The following TET1 variants were observed in gnomAD, a reference collection of about 807,000 sequenced individuals.
TET1 encodes tet methylcytosine dioxygenase 1, also known as methylcytosine dioxygenase TET1.
In TET1, 13 loss-of-function variants were observed where a neutral mutation model predicts 148.7. That is an observed-to-expected ratio of 0.09 (90% CI 0.06 to 0.14). The LOEUF (loss-of-function observed/expected upper bound fraction) is 0.14. Ranked by LOEUF, TET1 falls within the 10% of genes least tolerant of loss-of-function variation. The probability of loss-of-function intolerance (pLI) is 1.00; values close to 1 mark genes in which losing one functional copy is unlikely to be tolerated. For missense variants in TET1, 2,182 were observed against 2,553.8 expected, an observed-to-expected ratio of 0.85 and a Z score of 3.14; for synonymous variants, 907 against 937.2, an observed-to-expected ratio of 0.97 and a Z score of 0.59.
At position 68,620,450 on chromosome 10, in the gene TET1, A is replaced by G. The variant is rs184876058; in HGVS notation, c.1968+19416A>G. Among the ~76,000 whole-genome samples the G allele has an allele frequency of 1.9e-3, 296 of 152,310 alleles. 2 individuals are homozygous for G. Among genetic ancestry groups the G allele is most frequent in the African/African-American group, 6.9e-3 (286 of 41,578 alleles). ...ACTTAGTGACTGACTTTCACTTTGC[A>G]TAATCTTTTCCAAGTTTATCTGTTG... On this transcript the variant is annotated intron_variant, in intron 3 of 11. Coordinates refer to ENST00000373644, the MANE Select transcript of TET1 (RefSeq NM_030625.3).
chr10:68,597,712 A>G (rs969834341), intron 2 of TET1, among the ~76,000 whole-genome samples: 1 of 152,274 alleles, frequency 6.6e-6, no homozygotes, highest in Non-Finnish European at 1.5e-5. Flanking sequence ...ACAACAGAAT[A>G]AGGGAAAAAC....
chr10:68,640,815 T>G (rs1051823700), intron 3 of TET1, among the ~76,000 whole-genome samples: 7 of 151,798 alleles, frequency 4.6e-5, no homozygotes, highest in Non-Finnish European at 1.0e-4. Flanking sequence ...CCTCCCAAAG[T>G]GCTGGGATTA....
intron 6 of TET1, among the ~76,000 whole-genome samples, chr10:68,655,873 A>G (rs912165909): frequency 1.3e-5 from 2 of 152,278 alleles, no homozygotes; most frequent in African/African-American, 4.8e-5. Flanking sequence ...GGTGAGTGGC[A>G]GGAGAGCAAG....
chr10:68,674,546 T>A, intron 8 of TET1: 1 of 541,588 alleles, frequency 1.8e-6, no homozygotes, highest in Non-Finnish European at 3.5e-6. Context: ...TGCAGAATGA[T>A]AAAGTTGCAT....
chr10:68,612,854 C>A, intron 3 of TET1, among the ~76,000 whole-genome samples: 1 of 152,134 alleles, frequency 6.6e-6, no homozygotes, highest in East Asian at 1.9e-4. Flanking sequence ...TTGAGCTCAA[C>A]TGATCTGCCC....
intron 8 of TET1, among the ~76,000 whole-genome samples, chr10:68,679,685 T>G (rs2055410161): frequency 6.6e-6 from 1 of 152,074 alleles, no homozygotes; most frequent in Non-Finnish European, 1.5e-5. Context: ...TTTTGTTTTG[T>G]TTTTTTGAGA....
intron 2 of TET1, among the ~76,000 whole-genome samples, chr10:68,575,793 G>A (rs1439942520): frequency 1.3e-5 from 2 of 151,884 alleles, no homozygotes; most frequent in South Asian, 2.1e-4. Context: ...AGGCCGAGGT[G>A]GGCCGATCAC....
intron 3 of TET1, among the ~76,000 whole-genome samples, chr10:68,627,061 A>G (rs761639739): frequency 8.2e-4 from 125 of 151,926 alleles, no homozygotes; most frequent in Non-Finnish European, 1.2e-3. Context: ...CACCTGAGGT[A>G]AGAAGTTCGA....
chr10:68,643,594 G>A (rs2054793842), intron 3 of TET1, among the ~76,000 whole-genome samples: 1 of 152,104 alleles, frequency 6.6e-6, no homozygotes, highest in African/African-American at 2.4e-5. Flanking sequence ...GCTGAGGCGG[G>A]CAGATCACCA....
intron 2 of TET1, among the ~76,000 whole-genome samples, chr10:68,582,543 C>G (rs929105600): frequency 4.6e-5 from 7 of 152,194 alleles, no homozygotes; most frequent in Non-Finnish European, 7.3e-5. Context: ...TAATATGATA[C>G]AAATTGAACG....
chr10:68,569,335 G>C (rs1373329348), intron 1 of TET1, among the ~76,000 whole-genome samples: 1 of 151,790 alleles, frequency 6.6e-6, no homozygotes, highest in Non-Finnish European at 1.5e-5. Flanking sequence ...ACCAGGCCCG[G>C]CTAATATTTT....
At chr10:68,597,024 T>C (rs2053995765) in intron 2 of TET1, among the ~76,000 whole-genome samples, 1 of 140,148 alleles carries the variant, frequency 7.1e-6, no homozygotes, top group Admixed American at 7.7e-5. Flanking sequence ...ATCACACAGC[T>C]AATGGATTTT....
At chr10:68,683,318 G>A (rs992535910) in intron 10 of TET1, among the ~76,000 whole-genome samples, 13 of 151,942 alleles carry the variant, frequency 8.6e-5, no homozygotes, top group South Asian at 2.1e-4. Flanking sequence ...TCACTCTGTC[G>A]CCCAGGCTAG....
chr10:68,652,694 A>G, intron 6 of TET1, 100 bp downstream of exon 6: 1 of 804,378 alleles, frequency 1.2e-6, no homozygotes, highest in Non-Finnish European at 1.9e-6. Flanking sequence ...TTATTTATTC[A>G]TTTATTTATT....
chr10:68,571,944 A>G (rs974633177), intron 1 of TET1, among the ~76,000 whole-genome samples: 1 of 152,054 alleles, frequency 6.6e-6, no homozygotes, highest in African/African-American at 2.4e-5. Flanking sequence ...TGGCGAAAAC[A>G]TGTCTCTACA....
At chr10:68,624,707 TTCCTTC>T (rs2054448203) in intron 3 of TET1, among the ~76,000 whole-genome samples, 1 of 144,404 alleles carries the variant, frequency 6.9e-6, no homozygotes, top group East Asian at 2.0e-4. Context: ...TTTCTTTCTT[TTCCTTC>T]CTTCTTTCTT....
intron 2 of TET1, among the ~76,000 whole-genome samples, chr10:68,585,619 G>A (rs1229130053): frequency 1.3e-5 from 2 of 151,830 alleles, no homozygotes; most frequent in Non-Finnish European, 2.9e-5. Flanking sequence ...CATTTTTTAT[G>A]GTGAGCTTAC....
intron 10 of TET1, among the ~76,000 whole-genome samples, chr10:68,685,152 G>A (rs1398862109): frequency 6.6e-6 from 1 of 152,098 alleles, no homozygotes; most frequent in East Asian, 1.9e-4. Flanking sequence ...CTACTCGAGA[G>A]ACTGAGGCAG....
intron 2 of TET1, among the ~76,000 whole-genome samples, chr10:68,599,435 C>A (rs2054026213): frequency 6.6e-6 from 1 of 152,258 alleles, no homozygotes; most frequent in South Asian, 2.1e-4. Context: ...CTGCCCTGCT[C>A]TGCTGCCGCT....
Sources: gnomAD v4.1 joint callset for allele counts (sites outside exome capture counted in the v4.1 genomes callset) on GRCh38, gnomAD v4.1.1 for gene constraint, MANE v1.5 for transcripts, NCBI Gene and HGNC (gene_info 2026-07-23, HGNC 2026-07-21) for gene names.